Variants in CSMD3 observed in about 807,000 individuals in gnomAD.
The protein encoded by CSMD3 is CUB and Sushi multiple domains 3.
Under a neutral mutation model 435.2 loss-of-function variants are expected in CSMD3, and 177 were observed. That is an observed-to-expected ratio of 0.41 (90% confidence interval 0.36 to 0.46). CSMD3 has a LOEUF of 0.46. Ranked by LOEUF, CSMD3 falls within the 20% of genes least tolerant of loss-of-function variation. CSMD3 has a pLI of 0.34. For missense variants in CSMD3, 4,265 were observed against 4,504.6 expected, an observed-to-expected ratio of 0.95 and a Z score of 1.52; for synonymous variants, 1,656 against 1,520.5, an observed-to-expected ratio of 1.09 and a Z score of -2.07.
At chr8:112,261,425 C>T (rs1816388434) in intron 61 of CSMD3, among the ~76,000 whole-genome samples, 1 of 151,902 alleles carries the variant, frequency 6.6e-6, no homozygotes, top group Non-Finnish European at 1.5e-5. Flanking sequence ...AGAAAGCATC[C>T]CTTTTCTTAG....
At chr8:112,667,167 C>A (rs1273780805) in intron 16 of CSMD3, among the ~76,000 whole-genome samples, 3 of 151,980 alleles carry the variant, frequency 2.0e-5, no homozygotes, top group Non-Finnish European at 4.4e-5. Context: ...GATGTGTAAA[C>A]CAAGTTTTAG....
intron 3 of CSMD3, among the ~76,000 whole-genome samples, chr8:113,247,281 G>T (rs557919783): frequency 6.6e-6 from 1 of 152,272 alleles, no homozygotes; most frequent in African/African-American, 2.4e-5. Context: ...GTCAAAGAAT[G>T]ACCAACTTGG....
chr8:112,423,139 A>T (rs886511524), intron 32 of CSMD3, among the ~76,000 whole-genome samples: 1 of 150,250 alleles, frequency 6.7e-6, no homozygotes, highest in Non-Finnish European at 1.5e-5. Flanking sequence ...TTTGATAGTT[A>T]TTTTTTTTTT....
intron 31 of CSMD3, among the ~76,000 whole-genome samples, chr8:112,484,529 T>C (rs1462168252): frequency 6.6e-6 from 1 of 151,458 alleles, no homozygotes; most frequent in Non-Finnish European, 1.5e-5. Context: ...ATATATATGG[T>C]CCAGTAAAAC....
chr8:112,891,842 C>A (rs761289829), intron 10 of CSMD3, among the ~76,000 whole-genome samples: 2 of 151,388 alleles, frequency 1.3e-5, no homozygotes, highest in African/African-American at 2.4e-5. Flanking sequence ...TATCTGACCC[C>A]AGTCTGTTCT....
At chr8:112,593,619 T>C (rs1023244662) in intron 22 of CSMD3, among the ~76,000 whole-genome samples, 7 of 152,248 alleles carry the variant, frequency 4.6e-5, no homozygotes, top group African/African-American at 9.6e-5. Context: ...AATACACACA[T>C]ATATATGTAC....
chr8:112,662,740 T>C, intron 17 of CSMD3, among the ~76,000 whole-genome samples: 1 of 152,068 alleles, frequency 6.6e-6, no homozygotes, highest in African/African-American at 2.4e-5. Context: ...ACAGGCAACC[T>C]ACAGAATGGG....
chr8:113,023,350 G>T (rs2086752983), intron 5 of CSMD3, among the ~76,000 whole-genome samples: 1 of 151,848 alleles, frequency 6.6e-6, no homozygotes, highest in African/African-American at 2.4e-5. Flanking sequence ...CCATGACTTT[G>T]TATCCCTCTT....
chr8:112,728,803 G>C (rs1394994056), intron 13 of CSMD3, among the ~76,000 whole-genome samples: 1 of 151,984 alleles, frequency 6.6e-6, no homozygotes. Flanking sequence ...TTCTGCTTCT[G>C]ATATTTGTTT....
At chr8:112,570,469 A>G (rs1235974126) in intron 24 of CSMD3, among the ~76,000 whole-genome samples, 1 of 152,192 alleles carries the variant, frequency 6.6e-6, no homozygotes, top group Non-Finnish European at 1.5e-5. Context: ...ATTCATGAAT[A>G]AATATTTGAG....
At chr8:113,284,137 C>T (rs2093630127) in intron 2 of CSMD3, among the ~76,000 whole-genome samples, 1 of 152,022 alleles carries the variant, frequency 6.6e-6, no homozygotes, top group South Asian at 2.1e-4. Context: ...ACAGTATATA[C>T]TGCTTAAGTG....
intron 30 of CSMD3, among the ~76,000 whole-genome samples, chr8:112,498,296 G>A (rs1006937144): frequency 1.3e-5 from 2 of 152,068 alleles, no homozygotes; most frequent in Non-Finnish European, 2.9e-5. Context: ...CTAGAGTAGA[G>A]TAAGTGCATA....
intron 3 of CSMD3, among the ~76,000 whole-genome samples, chr8:113,255,797 T>A (rs2093374972): frequency 6.6e-6 from 1 of 151,868 alleles, no homozygotes; most frequent in Admixed American, 6.6e-5. Context: ...TGTCTCTAAG[T>A]GTATTTCCTA....
chr8:112,333,236 C>T (rs1259291980), intron 45 of CSMD3, among the ~76,000 whole-genome samples: 5 of 152,160 alleles, frequency 3.3e-5, no homozygotes, highest in Admixed American at 1.3e-4. Flanking sequence ...GGCGCCATCT[C>T]GGCTCACTGC....
At chr8:112,332,652 T>C (rs987760817) in intron 45 of CSMD3, among the ~76,000 whole-genome samples, 8 of 152,196 alleles carry the variant, frequency 5.3e-5, no homozygotes, top group Non-Finnish European at 1.2e-4. Flanking sequence ...TTCAAGTTTA[T>C]TTTAAAATTT....
intron 13 of CSMD3, among the ~76,000 whole-genome samples, chr8:112,769,012 A>AC (rs2078048743): frequency 6.6e-6 from 1 of 151,948 alleles, no homozygotes; most frequent in Non-Finnish European, 1.5e-5. Flanking sequence ...TTGGATATAA[A>AC]TGGGCATTTC....
chr8:112,525,650 G>C (rs1285872630), intron 27 of CSMD3, among the ~76,000 whole-genome samples: 3 of 148,688 alleles, frequency 2.0e-5, no homozygotes, highest in Non-Finnish European at 4.5e-5. Context: ...GAACCCAGGA[G>C]GTGGAACATG....
At chr8:112,234,342 G>A (rs1369832668) in intron 68 of CSMD3, 23 bp downstream of exon 68, 2 of 1,409,918 alleles carry the variant, frequency 1.4e-6, no homozygotes, top group South Asian at 2.3e-5. Flanking sequence ...ATCAGCAGCA[G>A]ATGTTAAAAT....
chr8:113,306,547 T>C (rs1285019644), intron 2 of CSMD3, among the ~76,000 whole-genome samples: 1 of 152,138 alleles, frequency 6.6e-6, no homozygotes, highest in Non-Finnish European at 1.5e-5. Context: ...CTCAACATTA[T>C]GCCTACAGGA....
Sources: allele counts gnomAD v4.1 joint callset (sites outside exome capture counted in the v4.1 genomes callset), GRCh38; gene constraint gnomAD v4.1.1; transcripts MANE v1.5; gene names NCBI Gene and HGNC (gene_info 2026-07-23, HGNC 2026-07-21).